Variants in CARF observed in about 807,000 individuals in gnomAD.
CARF encodes the protein calcium-responsive transcription factor.
In CARF, 57 loss-of-function variants were observed where a neutral mutation model predicts 82.0. That is an observed-to-expected ratio of 0.70 (90% CI 0.56 to 0.87). The LOEUF (loss-of-function observed/expected upper bound fraction) is 0.87. CARF is among the 40% of genes least tolerant of loss of function. The probability of loss-of-function intolerance (pLI) is 0.00; values close to 1 mark genes in which losing one functional copy is unlikely to be tolerated. For synonymous variants in CARF, 268 were observed against 290.1 expected (o/e 0.92, Z 0.77); for missense variants, 771 against 855.8 (o/e 0.90, Z 1.24).
intron 13 of CARF, among the ~76,000 whole-genome samples, chr2:202,975,398 C>T (rs376680694): frequency 2.0e-5 from 3 of 151,760 alleles, no homozygotes; most frequent in African/African-American, 4.8e-5. Context: ...GAGCCAAGAT[C>T]GTGCCACTGC....
At chr2:202,944,532 T>A (rs1351745771) in intron 5 of CARF, among the ~76,000 whole-genome samples, 1 of 152,170 alleles carries the variant, frequency 6.6e-6, no homozygotes, top group Non-Finnish European at 1.5e-5. Flanking sequence ...CCAGCCAAAT[T>A]GAGTTTTCTA....
intron 3 of CARF, among the ~76,000 whole-genome samples, chr2:202,941,412 A>G (rs1313326280): frequency 1.3e-5 from 2 of 152,130 alleles, no homozygotes; most frequent in African/African-American, 4.8e-5. Flanking sequence ...TTGTCTATTA[A>G]TGGTAAAAAT....
intron 11 of CARF, 73 bp downstream of exon 11, chr2:202,970,135 A>T (rs1189067643): frequency 7.5e-7 from 1 of 1,338,592 alleles, no homozygotes; most frequent in Non-Finnish European, 1.0e-6. Flanking sequence ...TTGTAAGGGA[A>T]ATTATAGTTT....
At chr2:202,974,126 G>T (rs934786853) in intron 12 of CARF, among the ~76,000 whole-genome samples, 2 of 152,210 alleles carry the variant, frequency 1.3e-5, no homozygotes, top group Non-Finnish European at 2.9e-5. Flanking sequence ...ATATTTAGAT[G>T]TTTTACCAAT....
chr2:202,947,794 TC>T (rs2058568978), intron 5 of CARF, among the ~76,000 whole-genome samples: 1 of 152,206 alleles, frequency 6.6e-6, no homozygotes, highest in South Asian at 2.1e-4. Context: ...TTTCTCCCAT[TC>T]TTCAGGTTGT....
rs368344382 is a variant in CARF, at chr2:202,982,386, G to A, written c.2004G>A (p.Leu668=). ...TGGAAGGAACTGTTCATCGGATTCT[G>A]TTGGGAGATGTGCAGACTATTCCAA... The part of the protein sequence containing the change: ...GNLEGTVHRI[L]LGDVQTIPIQ... Residue 668 remains leucine (L), a synonymous_variant, in exon 16 of 17, where the codon CTG becomes CTA. Transcript: ENST00000438828. The A allele has an allele frequency of 2.0e-5, 32 of 1,614,028 alleles. No homozygotes were observed. Among genetic ancestry groups the A allele is most frequent in the Non-Finnish European group, 2.7e-5 (32 of 1,180,014 alleles).
intron 2 of CARF, among the ~76,000 whole-genome samples, chr2:202,921,472 A>G (rs1690777533): frequency 6.6e-6 from 1 of 152,204 alleles, no homozygotes; most frequent in African/African-American, 2.4e-5. Flanking sequence ...AGCAAACATG[A>G]GTTCACTTAA....
chr2:202,973,558 A>G (rs939875459), intron 12 of CARF: 3 of 367,896 alleles, frequency 8.2e-6, no homozygotes, highest in Non-Finnish European at 1.6e-5. Flanking sequence ...TAACCTGGGT[A>G]TAGGCCCAAG....
At chr2:202,922,198 C>T (rs953207348) in intron 2 of CARF, among the ~76,000 whole-genome samples, 1 of 152,106 alleles carries the variant, frequency 6.6e-6, no homozygotes, top group African/African-American at 2.4e-5. Context: ...ACTGCAGCCT[C>T]AATGTCCTGG....
Position 202,986,891 on chromosome 2 carries a change from T to TACATATATATATAC in CARF, c.*3268_*3269insCATATATATATACA, listed in dbSNP as rs1417761821. 1.4e-4 allele frequency: 12 copies of TACATATATATATAC among 82,988 alleles called. No homozygotes were observed. Among genetic ancestry groups the TACATATATATATAC allele is most frequent in the East Asian group, 6.5e-4 (2 of 3,088 alleles). 5.1% of individuals were successfully genotyped at this position (82,988 alleles called of 1,614,324 possible). On this transcript the variant is annotated 3_prime_UTR_variant, in exon 17 of 17. Transcript: ENST00000438828. The stretch of plus-strand genomic sequence containing the variant: ...GCGTATATATATATATATATATATA[T>TACATATATATATAC]ATATATATATATATATAGCAACTTG...
intron 14 of CARF, among the ~76,000 whole-genome samples, chr2:202,979,276 A>G (rs577329927): frequency 3.3e-5 from 5 of 152,116 alleles, no homozygotes; most frequent in Non-Finnish European, 7.4e-5. Context: ...ATAAAAATCT[A>G]AAAATAAGAA....
rs34064189 is a variant in CARF, at chr2:202,974,495, C to T, written c.1493C>T (p.Thr498Met). 106 of 1,594,726 alleles carry T rather than the reference C, an allele frequency of 6.6e-5. No homozygotes were observed. In the African/African-American group the frequency reaches 1.2e-3, roughly 18 times the overall value. Reference sequence around the variant, plus strand: ...TATAACTCAGAGATTATTCCAGCAACGGTATGATTACAACCATAATTCCTT... The same window carrying T: ...TATAACTCAGAGATTATTCCAGCAATGGTATGATTACAACCATAATTCCTT... ...TVYNSEIIPA[T>M]LQWTTDSGNI... The change falls in exon 13 of 17, where the codon ACG (threonine) becomes ATG (methionine). Residue 498 changes from threonine to methionine, a missense_variant and splice_region_variant. By Grantham distance (81) the Thr-to-Met change is moderately conservative. Coordinates refer to ENST00000438828, the MANE Select transcript of CARF (RefSeq NM_024744.17).
chr2:202,936,104 G>T (rs1217363695), intron 3 of CARF, among the ~76,000 whole-genome samples: 2 of 152,128 alleles, frequency 1.3e-5, no homozygotes, highest in Non-Finnish European at 2.9e-5. Context: ...TGTTAGGATT[G>T]TAAGTGTGAG....
Position 202,962,483 on chromosome 2 carries a change from C to A in CARF, c.832+1057C>A, listed in dbSNP as rs1274773001. On this transcript the variant is annotated intron_variant, in intron 9 of 16. Transcript: ENST00000438828. The stretch of plus-strand genomic sequence containing the variant: ...TTCAGCCTGGGTGACAGAGTAAGAC[C>A]CTGTCTTTAAAAAAAAAAAATTAAC... 5 of 151,754 alleles carry A rather than the reference C, an allele frequency of 3.3e-5. No individual in the cohort carries two copies. In the South Asian group the frequency reaches 1.0e-3, roughly 32 times the overall value. The allele number at this position is 151,754 out of a possible 1,614,324, so 9.4% of individuals were successfully genotyped here. A position where few individuals can be genotyped will look rare whatever the true frequency, so the allele number is the denominator to read the frequency against.
At chr2:202,948,737 A>G (rs2058617926) in intron 5 of CARF, among the ~76,000 whole-genome samples, 1 of 152,208 alleles carries the variant, frequency 6.6e-6, no homozygotes, top group African/African-American at 2.4e-5. Context: ...CTTCTGGAAG[A>G]GCTTTTGGAC....
At position 202,912,463 on chromosome 2, in the gene CARF, C is replaced by T. The variant is rs1384552831; in HGVS notation, c.-969C>T. ...GTCTGCGCAGACCTACCGGACGCTA[C>T]CTCCCAACCCCCCGTCTTCCTCCTG... On this transcript the variant is annotated 5_prime_UTR_variant, in exon 1 of 17. Coordinates refer to ENST00000438828, the MANE Select transcript of CARF (RefSeq NM_024744.17). The T allele has an allele frequency of 3.2e-5, 1 of 31,118 alleles. No individual in the cohort carries two copies. Among genetic ancestry groups the T allele is most frequent in the Non-Finnish European group, 1.5e-4 (1 of 6,686 alleles). The allele number at this position is 31,118 out of a possible 1,614,324, so 1.9% of individuals were successfully genotyped here.
rs1688878984 is a variant in CARF, at chr2:202,912,837, C to A, written c.-595C>A. On this transcript the variant is annotated 5_prime_UTR_variant, in exon 1 of 17. Coordinates refer to ENST00000438828, the MANE Select transcript of CARF (RefSeq NM_024744.17). ...TAGGGTTCTTTTTCCGCTTTCTGAG[C>A]CCTTTTATACCTTACGTTTAGAAGG... 1.3e-5 allele frequency: 2 copies of A among 152,012 alleles called. No individual in the cohort carries two copies. The highest frequency in any genetic ancestry group is 6.6e-5 in the Admixed American group (1 of 15,260). 9.4% of individuals were successfully genotyped at this position (152,012 alleles called of 1,614,324 possible).
Position 202,961,260 on chromosome 2 carries a change from C to A in CARF, c.666C>A (p.Gly222=). 6.2e-7 allele frequency: 1 copy of A among 1,610,092 alleles called. No homozygotes were observed. The highest frequency in any genetic ancestry group is 2.2e-5 in the East Asian group (1 of 44,782). The part of the protein sequence containing the change: ...SCEKIGDSYR[G]YCVSETELES... ...AGAAAATTGGAGATTCATACCGTGG[C>A]TACTGTGTAAGTGAGACTGAATTAG... The change falls in exon 9 of 17, where the codon GGC becomes GGA. Residue 222 remains glycine (G), a synonymous_variant. Coordinates refer to ENST00000438828, the MANE Select transcript of CARF (RefSeq NM_024744.17).
At chr2:202,913,339 C>T (rs1688997915) in intron 1 of CARF, among the ~76,000 whole-genome samples, 1 of 152,182 alleles carries the variant, frequency 6.6e-6, no homozygotes, top group Non-Finnish European at 1.5e-5. Context: ...ACCAGAATTC[C>T]TGGGTTCAAA....
Sources: gnomAD v4.1 joint callset for allele counts (sites outside exome capture counted in the v4.1 genomes callset) on GRCh38, gnomAD v4.1.1 for gene constraint, MANE v1.5 for transcripts, NCBI Gene and HGNC (gene_info 2026-07-23, HGNC 2026-07-21) for gene names.